MED13L: variants seen among roughly 807,000 people sequenced by gnomAD.
MED13L encodes mediator complex subunit 13L, also known as mediator of RNA polymerase II transcription subunit 13-like.
MED13L carries 7 observed loss-of-function variants against 220.9 expected under a neutral mutation model. That is an observed-to-expected ratio of 0.03 (90% CI 0.02 to 0.06). The LOEUF is 0.06. Among genes scored for constraint, MED13L ranks in the 10% least tolerant of loss-of-function variants. The probability of loss-of-function intolerance (pLI) is 1.00; values close to 1 mark genes in which losing one functional copy is unlikely to be tolerated. For synonymous variants in MED13L, 1,011 were observed against 1,015.2 expected, an observed-to-expected ratio of 1.00 and a Z score of 0.08; for missense variants, 1,965 against 2,760.5, an observed-to-expected ratio of 0.71 and a Z score of 6.46.
rs1453418465 is a variant in MED13L at position 115,980,862 on chromosome 12, G to A, written c.5252C>T (p.Ala1751Val). ...CCTGCACTGGCAGTACACTGAAAAT[G>A]CCATGGACTTCAAGTATTGAATGTA... is the stretch of plus-strand genomic sequence containing the variant. ...VFYIQYLKSM[A>V]FSVYCQCRRP... The change falls in exon 23 of 31, where the codon GCA becomes GTA. Residue 1751 changes from alanine to valine, a missense_variant. Coordinates refer to ENST00000281928, the MANE Select transcript of MED13L (RefSeq NM_015335.5). 6.2e-7 allele frequency: 1 copy of A among 1,613,752 alleles called. No individual in the cohort carries two copies. The highest frequency in any genetic ancestry group is 1.1e-5 in the South Asian group (1 of 91,078).
At chr12:116,119,830 AAAAAAAAAATAT>A (rs1256927962) in intron 2 of MED13L, among the ~76,000 whole-genome samples, 8 of 119,522 alleles carry the variant, frequency 6.7e-5, no homozygotes, top group Non-Finnish European at 1.2e-4. Flanking sequence ...AAAAAAAAAA[AAAAAAAAAATAT>A]ATATATATAT....
chr12:116,276,431 T>C, intron 1 of MED13L: 2 of 1,288,036 alleles, frequency 1.6e-6, no homozygotes, highest in South Asian at 2.5e-5. Context: ...TTTCTCCACC[T>C]TCCGTCGGCT....
At chr12:116,267,799 T>C (rs17614779) in intron 1 of MED13L, among the ~76,000 whole-genome samples, 14,004 of 152,216 alleles carry the variant, frequency 0.092, 735 homozygotes, top group East Asian at 0.22. Flanking sequence ...CAAAAATCTA[T>C]AGGTTGCCTA....
rs562052493 is a variant in MED13L at position 115,980,235 on chromosome 12, C to A, written c.5364+515G>T. 1.3e-4 allele frequency among the ~76,000 whole-genome samples: 20 copies of A among 152,152 alleles called. No individual in the cohort carries two copies. In the East Asian group the frequency reaches 3.5e-3, roughly 26 times the overall value. ...TGCCTAAAGTCCTACATAAAAAAAA[C>A]AGTAAGAATTTGCTTGCCTCTCTTC... On this transcript the variant is annotated intron_variant, in intron 23 of 30. Transcript: ENST00000281928.
Position 116,136,366 on chromosome 12 carries a change from A to C in MED13L, c.311-24854T>G, listed in dbSNP as rs1010644219. 1.1e-4 allele frequency among the ~76,000 whole-genome samples: 17 copies of C among 152,284 alleles called. No individual in the cohort carries two copies. The East Asian group carries it at 2.7e-3, about 24-fold the overall frequency. On this transcript the variant is annotated intron_variant, in intron 2 of 30. Transcript: ENST00000281928. ...ATGCTTATTTGTGCTCATCAGAATG[A>C]TCTTCTCATAACTGAGTATCACCAC...
chr12:116,065,070 T>G (rs1447957720), intron 4 of MED13L, among the ~76,000 whole-genome samples: 1 of 152,208 alleles, frequency 6.6e-6, no homozygotes, highest in Non-Finnish European at 1.5e-5. Flanking sequence ...TATTTTTTAT[T>G]TATATAAAAT....
chr12:116,057,810 C>T (rs996675845), intron 4 of MED13L, among the ~76,000 whole-genome samples: 1 of 151,876 alleles, frequency 6.6e-6, no homozygotes, highest in African/African-American at 2.4e-5. Flanking sequence ...ATTCAAAATG[C>T]CTAAATTTGG....
Position 116,108,617 on chromosome 12 carries a change from G to T in MED13L, c.395+2811C>A, listed in dbSNP as rs150489219. Among the ~76,000 whole-genome samples the T allele has an allele frequency of 2.9e-3, 447 of 152,194 alleles. 1 individual carries two copies. The highest frequency in any genetic ancestry group is 0.01 in the African/African-American group (427 of 41,518). On this transcript the variant is annotated intron_variant, in intron 3 of 30. Coordinates refer to ENST00000281928, the MANE Select transcript of MED13L (RefSeq NM_015335.5). Reference sequence around the variant, plus strand: ...GATAAGAGAAAATTATTATCTTAAAGAACAACAGGATTAGTACCATTTTTC... The same window carrying T: ...GATAAGAGAAAATTATTATCTTAAATAACAACAGGATTAGTACCATTTTTC...
intron 4 of MED13L, among the ~76,000 whole-genome samples, chr12:116,074,513 G>GA (rs765485314): frequency 2.6e-5 from 4 of 152,028 alleles, no homozygotes; most frequent in Non-Finnish European, 4.4e-5. Context: ...TAAAGGAGGG[G>GA]AAAAAATGAC....
At chr12:116,122,472 T>C (rs1222575729) in intron 2 of MED13L, among the ~76,000 whole-genome samples, 1 of 152,236 alleles carries the variant, frequency 6.6e-6, no homozygotes, top group Non-Finnish European at 1.5e-5. Flanking sequence ...TATTTAGAGC[T>C]CTGATTTCTT....
chr12:116,036,645 A>G (rs1232092942), intron 4 of MED13L, among the ~76,000 whole-genome samples: 1 of 152,184 alleles, frequency 6.6e-6, no homozygotes, highest in Admixed American at 6.5e-5. Flanking sequence ...GTATGAACTT[A>G]TCTATTAAAA....
intron 2 of MED13L, among the ~76,000 whole-genome samples, chr12:116,131,947 C>T (rs1326600062): frequency 1.3e-5 from 2 of 152,038 alleles, no homozygotes; most frequent in Admixed American, 1.3e-4. Flanking sequence ...CACGCCACTG[C>T]ACTCCAACCT....
At chr12:116,113,098 G>C (rs1185780588) in intron 2 of MED13L, among the ~76,000 whole-genome samples, 1 of 152,068 alleles carries the variant, frequency 6.6e-6, no homozygotes, top group African/African-American at 2.4e-5. Context: ...GATAATATAA[G>C]CAAAATAAAT....
chr12:116,111,416 TC>T lies in MED13L; in HGVS notation c.395+11del. The stretch of plus-strand genomic sequence containing the variant: ...TTGTCTGCAAACCACTGTCTGCTGT[TC>T]CTTCTCTTACCTTTCTAACAGATTG... On this transcript the variant is annotated intron_variant, in intron 3 of 30. Coordinates refer to ENST00000281928, the MANE Select transcript of MED13L (RefSeq NM_015335.5). 4.3e-6 allele frequency: 7 copies of T among 1,609,398 alleles called. No individual in the cohort carries two copies. The highest frequency in any genetic ancestry group is 5.1e-6 in the Non-Finnish European group (6 of 1,176,428).
intron 19 of MED13L, among the ~76,000 whole-genome samples, chr12:115,985,313 T>G (rs1877611068): frequency 6.6e-6 from 1 of 152,222 alleles, no homozygotes. Flanking sequence ...TGTTCAGAAA[T>G]GAATGTATCC....
chr12:116,097,483 A>AT (rs1565875888), intron 3 of MED13L, among the ~76,000 whole-genome samples: 1 of 151,874 alleles, frequency 6.6e-6, no homozygotes, highest in African/African-American at 2.4e-5. Flanking sequence ...TTAAATTTTT[A>AT]TTTTTTATTT....
rs116406047 is a variant in MED13L at position 116,010,576 on chromosome 12, G to T, written c.1281-1444C>A. Among the ~76,000 whole-genome samples, 183 of 152,210 alleles carry T rather than the reference G, an allele frequency of 1.2e-3. 1 individual carries two copies. The highest frequency in any genetic ancestry group is 4.2e-3 in the African/African-American group (176 of 41,520). On this transcript the variant is annotated intron_variant, in intron 9 of 30. Coordinates refer to ENST00000281928, the MANE Select transcript of MED13L (RefSeq NM_015335.5). ...AGTAGGTAGGAGAGAATCACAGTGCGTCTCAGCAGGAAAAGAACCTGATGC... is the reference window on the plus strand; with the variant it reads ...AGTAGGTAGGAGAGAATCACAGTGCTTCTCAGCAGGAAAAGAACCTGATGC...
intron 2 of MED13L, among the ~76,000 whole-genome samples, chr12:116,202,411 A>G (rs1364757058): frequency 2.0e-5 from 3 of 152,212 alleles, no homozygotes; most frequent in Non-Finnish European, 4.4e-5. Context: ...AAAGATAAAG[A>G]AAAACACCAA....
chr12:116,088,974 G>C (rs1287589884), intron 4 of MED13L, among the ~76,000 whole-genome samples: 1 of 151,968 alleles, frequency 6.6e-6, no homozygotes, highest in Non-Finnish European at 1.5e-5. Flanking sequence ...GAAAAATCCA[G>C]ATTTTTTTTA....
Sources: gnomAD v4.1 joint callset for allele counts (sites outside exome capture counted in the v4.1 genomes callset) on GRCh38, gnomAD v4.1.1 for gene constraint, MANE v1.5 for transcripts, NCBI Gene and HGNC (gene_info 2026-07-23, HGNC 2026-07-21) for gene names.